AGBL1: variants seen among roughly 807,000 people sequenced by gnomAD.
AGBL1 encodes AGBL carboxypeptidase 1.
In AGBL1, 130 loss-of-function variants were observed where a neutral mutation model predicts 118.9. The ratio of observed to expected loss-of-function variants is 1.09; its 90% confidence interval spans 0.95 to 1.26. AGBL1 has a LOEUF of 1.26. AGBL1 is among the 50% of genes most tolerant of loss of function. The pLI is 0.00. For missense variants in AGBL1, 1,584 were observed against 1,298.1 expected, an observed-to-expected ratio of 1.22 and a Z score of -3.38; for synonymous variants, 555 against 478.9, an observed-to-expected ratio of 1.16 and a Z score of -2.08.
chr15:86,538,535 C>T (rs572873084), intron 19 of AGBL1, among the ~76,000 whole-genome samples: 6 of 152,302 alleles, frequency 3.9e-5, no homozygotes, highest in Middle Eastern at 3.4e-3. Flanking sequence ...GGGCTGAATG[C>T]CATCTGCACA....
At chr15:86,555,694 C>T (rs1267673159) in intron 21 of AGBL1, among the ~76,000 whole-genome samples, 1 of 152,112 alleles carries the variant, frequency 6.6e-6, no homozygotes, top group African/African-American at 2.4e-5. Flanking sequence ...ATCAAGAGAT[C>T]TCACTCTTTC....
At chr15:86,674,147 C>G (rs965483525) in intron 21 of AGBL1, 126 bp from the exon 22 acceptor site, 11 of 928,632 alleles carry the variant, frequency 1.2e-5, no homozygotes, top group Non-Finnish European at 1.8e-5. Flanking sequence ...CAGTGACTGA[C>G]AAATACAATT....
At chr15:86,374,303 A>C (rs1428799283) in intron 17 of AGBL1, among the ~76,000 whole-genome samples, 1 of 152,198 alleles carries the variant, frequency 6.6e-6, no homozygotes, top group Non-Finnish European at 1.5e-5. Context: ...GCCTATGAAG[A>C]TAAGTGTTAT....
intron 22 of AGBL1, among the ~76,000 whole-genome samples, chr15:86,810,987 C>T (rs1443806892): frequency 6.6e-6 from 1 of 152,148 alleles, no homozygotes; most frequent in Non-Finnish European, 1.5e-5. Context: ...AACACATGAG[C>T]AAAGTCTCAA....
chr15:86,255,669 C>T (rs1360531406), intron 7 of AGBL1, among the ~76,000 whole-genome samples: 2 of 152,092 alleles, frequency 1.3e-5, no homozygotes, highest in Non-Finnish European at 2.9e-5. Flanking sequence ...GTAATCCCAG[C>T]TTCTCAGGAG....
rs956294698 is a variant in AGBL1 at position 86,965,223 on chromosome 15, G to A, written c.3222-22764G>A. ...AATCGCCACACTCTCTTCCACAATGGTTGAACTAGTTTACAGTCCCACCAA... is the reference window on the plus strand; with the variant it reads ...AATCGCCACACTCTCTTCCACAATGATTGAACTAGTTTACAGTCCCACCAA... On this transcript the variant is annotated intron_variant, in intron 23 of 24. Coordinates refer to the AGBL1 transcript ENST00000441037. Among the ~76,000 whole-genome samples, 15 of 152,040 alleles carry A rather than the reference G, an allele frequency of 9.9e-5. 1 individual carries two copies. Among genetic ancestry groups the A allele is most frequent in the African/African-American group, 3.4e-4 (14 of 41,416 alleles).
chr15:86,536,097 T>A (rs901011709), intron 19 of AGBL1, among the ~76,000 whole-genome samples: 10 of 152,216 alleles, frequency 6.6e-5, no homozygotes, highest in African/African-American at 2.4e-4. Flanking sequence ...ATTGTTCCCA[T>A]GCTATCAGAA....
rs74383377 is a variant in AGBL1, at chr15:86,850,494, G to C, written c.3159-56593G>C. Among the ~76,000 whole-genome samples, 678 of 152,266 alleles carry C rather than the reference G, an allele frequency of 4.5e-3. 7 individuals carry two copies. Among genetic ancestry groups the C allele is most frequent in the African/African-American group, 0.015 (642 of 41,538 alleles). The stretch of plus-strand genomic sequence containing the variant: ...ACCCAATCGTCCTCACACCATGGGT[G>C]CCCCACTGCGCCCACATTGCCTGTC... On this transcript the variant is annotated intron_variant, in intron 22 of 22. Transcript: ENST00000614907.
In AGBL1 at chr15:86,666,379, CCTGT is replaced by C. The variant is rs371806218; in HGVS notation, c.2995-7891_2995-7888del. 5.1e-4 allele frequency among the ~76,000 whole-genome samples: 77 copies of C among 152,018 alleles called. No homozygotes were observed. In the East Asian group the frequency reaches 8.7e-3, roughly 17 times the overall value. On this transcript the variant is annotated intron_variant, in intron 21 of 22. Coordinates refer to ENST00000614907, the MANE Select transcript of AGBL1 (RefSeq NM_001386094.1). The stretch of plus-strand genomic sequence containing the variant: ...TGATTTTTGTATATTTAATTTGTAA[CCTGT>C]CTATTTACTCAATTGTTGCCCTATC...
intron 19 of AGBL1, among the ~76,000 whole-genome samples, chr15:86,525,256 A>T (rs2083247981): frequency 6.6e-6 from 1 of 152,222 alleles, no homozygotes; most frequent in Non-Finnish European, 1.5e-5. Flanking sequence ...CATGACACCG[A>T]CAAATGGAAA....
chr15:86,880,566 C>T (rs559046977), intron 22 of AGBL1, among the ~76,000 whole-genome samples: 5 of 152,056 alleles, frequency 3.3e-5, no homozygotes, highest in African/African-American at 7.2e-5. Context: ...TATGTATGCA[C>T]GGGGGTGGTA....
At chr15:86,114,216 A>G (rs1286999434) in intron 1 of AGBL1, among the ~76,000 whole-genome samples, 3 of 152,248 alleles carry the variant, frequency 2.0e-5, no homozygotes, top group Non-Finnish European at 2.9e-5. Context: ...TTGAAATATT[A>G]AGATGATGTT....
intron 3 of AGBL1, among the ~76,000 whole-genome samples, chr15:86,153,984 C>G (rs779154104): frequency 3.7e-4 from 57 of 152,136 alleles, no homozygotes; most frequent in Non-Finnish European, 7.6e-4. Flanking sequence ...ATATTCATTC[C>G]AATTTCTCCA....
chr15:86,329,362 G>T (rs547137166), intron 17 of AGBL1, among the ~76,000 whole-genome samples: 88 of 151,802 alleles, frequency 5.8e-4, no homozygotes, highest in Non-Finnish European at 1.1e-3. Flanking sequence ...CCAAGTATTT[G>T]GAGCACTTCC....
intron 18 of AGBL1, among the ~76,000 whole-genome samples, chr15:86,454,600 A>T (rs1294098030): frequency 6.6e-6 from 1 of 152,196 alleles, no homozygotes; most frequent in Non-Finnish European, 1.5e-5. Flanking sequence ...ATGCTACAAC[A>T]CGGATGAACC....
rs571385095 is a variant in AGBL1, at chr15:86,640,813, ATAAT to A, written c.2995-33457_2995-33454del. ...AATCTGGCAAGGCATTTTTCTGAAA[ATAAT>A]TAGCCAGTTTACATCCTTCCAAGAG... On this transcript the variant is annotated intron_variant, in intron 21 of 22. Transcript: ENST00000614907. 2.9e-3 allele frequency among the ~76,000 whole-genome samples: 435 copies of A among 152,262 alleles called. 1 individual carries two copies. Among genetic ancestry groups the A allele is most frequent in the Non-Finnish European group, 4.3e-3 (293 of 68,000 alleles).
At chr15:86,397,616 T>C in intron 18 of AGBL1, 70 bp downstream of exon 18, 1 of 1,432,574 alleles carries the variant, frequency 7.0e-7, no homozygotes, top group Non-Finnish European at 9.5e-7. Context: ...TTTCACCAAG[T>C]AGGCGTGATT....
intron 22 of AGBL1, among the ~76,000 whole-genome samples, chr15:86,817,232 C>T (rs138026940): frequency 0.012 from 1,825 of 147,748 alleles, 24 homozygotes; most frequent in Middle Eastern, 0.056. Flanking sequence ...GCGGAGGTTG[C>T]AGTGACCCAA....
intron 17 of AGBL1, among the ~76,000 whole-genome samples, chr15:86,344,574 G>C (rs2080508171): frequency 6.6e-6 from 1 of 151,830 alleles, no homozygotes; most frequent in South Asian, 2.1e-4. Context: ...CTCTGAGGTT[G>C]ATGGTCCTGG....
Sources: allele counts gnomAD v4.1 joint callset (sites outside exome capture counted in the v4.1 genomes callset), GRCh38; gene constraint gnomAD v4.1.1; transcripts MANE v1.5; gene names NCBI Gene and HGNC (gene_info 2026-07-23, HGNC 2026-07-21).